NLGN4Y: variants seen among roughly 807,000 people sequenced by gnomAD.
NLGN4Y encodes the protein neuroligin 4 Y-linked, also known as neuroligin-4, Y-linked.
A neutral mutation model predicts 8.4 loss-of-function variants in NLGN4Y; 4 were observed. The ratio of observed to expected loss-of-function variants is 0.48; its 90% confidence interval spans 0.23 to 1.09. NLGN4Y has a LOEUF of 1.09. NLGN4Y is among the 50% of genes least tolerant of loss of function. The probability of loss-of-function intolerance (pLI) is 0.19; values close to 1 mark genes in which losing one functional copy is unlikely to be tolerated. For synonymous variants in NLGN4Y, 35 were observed against 75.6 expected (o/e 0.46, Z 2.78); for missense variants, 90 against 192.3 (o/e 0.47, Z 3.15).
intron 4 of NLGN4Y, among the ~76,000 whole-genome samples, chrY:14,813,422 C>T: frequency 6.0e-5 from 2 of 33,116 alleles, no homozygotes; most frequent in African/African-American, 2.4e-4. Context: ...CCCCAAAATT[C>T]GAAGGCTTGA....
chrY:14,796,327 C>T, intron 4 of NLGN4Y, among the ~76,000 whole-genome samples: 7 of 33,014 alleles, frequency 2.1e-4, no homozygotes, highest in African/African-American at 8.3e-4. Flanking sequence ...GACGCGGTGG[C>T]TCACGCCTGT....
At chrY:14,635,154 T>C in intron 2 of NLGN4Y, among the ~76,000 whole-genome samples, 1 of 33,813 alleles carries the variant, frequency 3.0e-5, no homozygotes, top group Admixed American at 2.7e-4. Flanking sequence ...TATCTGCCTA[T>C]CACATATGGA....
intron 2 of NLGN4Y, among the ~76,000 whole-genome samples, chrY:14,704,041 A>C: frequency 3.0e-5 from 1 of 33,879 alleles, no homozygotes; most frequent in African/African-American, 1.1e-4. Flanking sequence ...GTTGCCTATC[A>C]GCTTAAAGAG....
intron 1 of NLGN4Y, among the ~76,000 whole-genome samples, chrY:14,551,167 C>A (rs753582531): frequency 3.0e-5 from 1 of 33,412 alleles, no homozygotes; most frequent in East Asian, 7.9e-4. Flanking sequence ...AGACTTTAAC[C>A]AACAAAGATC....
intron 2 of NLGN4Y, among the ~76,000 whole-genome samples, chrY:14,656,791 G>A: frequency 3.6e-5 from 1 of 27,438 alleles, no homozygotes; most frequent in Non-Finnish European, 8.5e-5. Context: ...TCCAAACTAG[G>A]ACATTGCAAA....
At chrY:14,529,506 C>T (rs16980467) in intron 1 of NLGN4Y, among the ~76,000 whole-genome samples, 4,775 of 31,587 alleles carry the variant, frequency 0.15, no homozygotes, top group African/African-American at 0.59. Flanking sequence ...GAGTATGGGA[C>T]GGGCAATTCC....
At chrY:14,782,014 C>G (rs2150576722) in intron 4 of NLGN4Y, among the ~76,000 whole-genome samples, 2 of 33,140 alleles carry the variant, frequency 6.0e-5, no homozygotes, top group Non-Finnish European at 7.4e-5. Flanking sequence ...CTCCCATTCC[C>G]TGTGTGTGAA....
At chrY:14,714,599 G>A in intron 2 of NLGN4Y, among the ~76,000 whole-genome samples, 6 of 32,888 alleles carry the variant, frequency 1.8e-4, no homozygotes, top group Admixed American at 5.6e-4. Context: ...ACCTGAAACC[G>A]GACCCTTTCC....
chrY:14,775,448 G>T (rs2081122075), intron 4 of NLGN4Y, among the ~76,000 whole-genome samples: 1 of 31,761 alleles, frequency 3.1e-5, no homozygotes, highest in Admixed American at 3.0e-4. Flanking sequence ...GACACTCTCT[G>T]CCTCTCACTG....
intron 4 of NLGN4Y, among the ~76,000 whole-genome samples, chrY:14,769,652 AT>A (rs2081101384): frequency 6.4e-5 from 2 of 31,363 alleles, no homozygotes; most frequent in East Asian, 8.4e-4. Flanking sequence ...TAGCAGCAGG[AT>A]TTTTTTTTTC....
At chrY:14,790,134 G>A (rs2042980102) in intron 4 of NLGN4Y, among the ~76,000 whole-genome samples, 1 of 32,345 alleles carries the variant, frequency 3.1e-5, no homozygotes, top group African/African-American at 1.2e-4. Flanking sequence ...ACTGGAAATC[G>A]TAATTAGAAA....
intron 2 of NLGN4Y, among the ~76,000 whole-genome samples, chrY:14,623,705 C>T: frequency 3.0e-5 from 1 of 33,526 alleles, no homozygotes; most frequent in Admixed American, 2.7e-4. Context: ...AATTATATTG[C>T]ATCTGTCAGA....
At chrY:14,596,563 T>C in intron 1 of NLGN4Y, among the ~76,000 whole-genome samples, 1 of 33,278 alleles carries the variant, frequency 3.0e-5, no homozygotes, top group East Asian at 8.2e-4. Context: ...CGGAGATGCA[T>C]GGCTTTCCTC....
At chrY:14,572,924 G>A (rs2150481294) in intron 1 of NLGN4Y, among the ~76,000 whole-genome samples, 1 of 33,502 alleles carries the variant, frequency 3.0e-5, no homozygotes, top group African/African-American at 1.2e-4. Context: ...TGTTGAATCA[G>A]CCTTGCATCC....
intron 1 of NLGN4Y, among the ~76,000 whole-genome samples, chrY:14,563,984 A>G: frequency 3.0e-5 from 1 of 32,992 alleles, no homozygotes; most frequent in African/African-American, 1.2e-4. Flanking sequence ...CTTTTCAAAA[A>G]AACCAGCTAC....
At chrY:14,697,594 G>GAGAGAGAGAGAT (rs61576386) in intron 2 of NLGN4Y, among the ~76,000 whole-genome samples, 1 of 21,127 alleles carries the variant, frequency 4.7e-5, no homozygotes, top group African/African-American at 1.7e-4. Flanking sequence ...ATAGATGAGA[G>GAGAGAGAGAGAT]AGATAGATAG....
intron 2 of NLGN4Y, among the ~76,000 whole-genome samples, chrY:14,673,997 G>T: frequency 3.6e-5 from 1 of 27,424 alleles, no homozygotes; most frequent in Non-Finnish European, 8.4e-5. Flanking sequence ...AGATCACATG[G>T]ACACAGGAAG....
intron 1 of NLGN4Y, among the ~76,000 whole-genome samples, chrY:14,595,116 T>C: frequency 3.0e-5 from 1 of 33,604 alleles, no homozygotes; most frequent in Non-Finnish European, 7.4e-5. Context: ...TCTATGTACC[T>C]ATCAGGATCA....
intron 2 of NLGN4Y, among the ~76,000 whole-genome samples, chrY:14,690,064 C>T (rs768912201): frequency 3.0e-5 from 1 of 33,016 alleles, no homozygotes; most frequent in East Asian, 8.2e-4. Flanking sequence ...CCAGTGCCAC[C>T]ATCCCCATCA....
Sources: allele counts gnomAD v4.1 joint callset (sites outside exome capture counted in the v4.1 genomes callset), GRCh38; gene constraint gnomAD v4.1.1; transcripts MANE v1.5; gene names NCBI Gene and HGNC (gene_info 2026-07-23, HGNC 2026-07-21).